The following CHD4 variants were observed in gnomAD, a reference collection of about 807,000 sequenced individuals.
The protein encoded by CHD4 is chromodomain helicase DNA binding protein 4.
A neutral mutation model predicts 235.5 loss-of-function variants in CHD4; 35 were observed. The observed-to-expected ratio is 0.15, with a 90% CI of 0.11 to 0.20. The LOEUF (loss-of-function observed/expected upper bound fraction) is 0.20. Among genes scored for constraint, CHD4 ranks in the 10% least tolerant of loss-of-function variants. CHD4 has a pLI of 1.00. For missense variants in CHD4, 1,329 were observed against 2,432.3 expected, an observed-to-expected ratio of 0.55 and a Z score of 9.54; for synonymous variants, 900 against 850.2, an observed-to-expected ratio of 1.06 and a Z score of -1.02.
At chr12:6,596,298 A>C (rs1262335309) in intron 12 of CHD4, among the ~76,000 whole-genome samples, 161 bp from the exon 13 acceptor site, 1 of 152,176 alleles carries the variant, frequency 6.6e-6, no homozygotes, top group Non-Finnish European at 1.5e-5. Context: ...ACCAAAAATT[A>C]TCTCTAATTT....
In CHD4 at chr12:6,573,080, G is replaced by A; in HGVS notation, c.5551C>T (p.His1851Tyr). ...CAGGGGAGCCACTGGCTACCTTTGT[G>A]CAGGACTGCATTGGCTGGCTTGTTT... ...AGNKPANAVL[H>Y]KVLKQLEELL... Residue 1851 changes from histidine (H) to tyrosine (Y), a missense_variant, in exon 38 of 40, where the codon CAC (histidine) becomes TAC (tyrosine). Transcript: ENST00000544040. The A allele has an allele frequency of 6.2e-7, 1 of 1,605,104 alleles. No individual in the cohort carries two copies. Among genetic ancestry groups the A allele is most frequent in the Non-Finnish European group, 8.5e-7 (1 of 1,176,650 alleles).
chr12:6,570,660 G>A lies in CHD4; in HGVS notation c.*16C>T, dbSNP rs112636750. ...AGGTCACTGCTCAGCGGTGGAGGTG[G>A]TATCAGTCTGCATCTTCACTGCTGC... On this transcript the variant is annotated 3_prime_UTR_variant, in exon 40 of 40. Transcript: ENST00000544040. 26 of 1,614,012 alleles carry A rather than the reference G, an allele frequency of 1.6e-5. No individual in the cohort carries two copies. The East Asian group carries it at 4.9e-4, about 30-fold the overall frequency.
Position 6,606,366 on chromosome 12 carries a change from G to A in CHD4, c.8C>T (p.Ser3Leu). 6.4e-7 allele frequency: 1 copy of A among 1,571,154 alleles called. No individual in the cohort carries two copies. The highest frequency in any genetic ancestry group is 8.6e-7 in the Non-Finnish European group (1 of 1,161,658). Residue 3 changes from serine (S) to leucine (L), a missense_variant, in exon 2 of 40, where the codon TCG becomes TTG. Physicochemically the swap from Ser to Leu is moderately radical, Grantham distance 145. This residue lies in a region of CHD4 where 213 missense variants were observed against 177.5 expected (regional missense o/e 1.20). Transcript: ENST00000544040. MA[S>L]GLGSPSPCSA... ...GCAGGGGGACGGGGAGCCCAGGCCC[G>A]ACGCCATCCCCTTCCGCTCCCGGCC...
intron 25 of CHD4, among the ~76,000 whole-genome samples, chr12:6,585,800 AACAC>A: frequency 7.2e-6 from 1 of 137,990 alleles, no homozygotes; most frequent in Admixed American, 6.9e-5. Flanking sequence ...AAAAAAAAAA[AACAC>A]ACACACAAAG....
chr12:6,605,909 G>A (rs548226143), intron 2 of CHD4, among the ~76,000 whole-genome samples: 1 of 152,222 alleles, frequency 6.6e-6, no homozygotes, highest in African/African-American at 2.4e-5. Context: ...CTTTCAAACA[G>A]AATCCTCAAC....
chr12:6,595,553 T>C, intron 13 of CHD4, 123 bp from the exon 14 acceptor site: 1 of 747,964 alleles, frequency 1.3e-6, no homozygotes, highest in Non-Finnish European at 2.2e-6. Context: ...TTTGGGAGGC[T>C]GAGACGGGCG....
intron 23 of CHD4, 72 bp downstream of exon 23, chr12:6,588,226 C>T (rs1016208332): frequency 2.6e-6 from 4 of 1,546,074 alleles, no homozygotes; most frequent in Non-Finnish European, 3.5e-6. Context: ...GATGGTGGAG[C>T]CCTCATAGAG....
In CHD4 at chr12:6,581,100, A is replaced by G. The variant is rs756243539; in HGVS notation, c.4853T>C (p.Val1618Ala). ...TCTCTCCTTCACCTCTGCCTTTTCC[A>G]CTTTCTCCTCTCCCTCAGGGGGTTC... ...VVEPPEGEEKVEKAEVKERTE... is the reference protein window; with the variant it reads ...VVEPPEGEEKAEKAEVKERTE... The change falls in exon 33 of 40, where the codon GTG becomes GCG. Residue 1618 changes from valine to alanine, a missense_variant. Physicochemically the swap from Val to Ala is moderately conservative, Grantham distance 64. Around this residue, in one of 26 missense-constraint regions of CHD4, gnomAD observed 219 missense variants for 219.3 expected, o/e 1.00. Transcript: ENST00000544040. The G allele has an allele frequency of 1.4e-5, 23 of 1,613,716 alleles. No homozygotes were observed. Among genetic ancestry groups the G allele is most frequent in the Non-Finnish European group, 1.6e-5 (19 of 1,179,984 alleles).
rs1450204649 is a variant in CHD4, at chr12:6,602,014, G to A, written c.384C>T (p.Ser128=). 1.2e-6 allele frequency: 2 copies of A among 1,611,664 alleles called. No homozygotes were observed. Among genetic ancestry groups the A allele is most frequent in the East Asian group, 2.2e-5 (1 of 44,842 alleles). ...CCTCCTCCTCCTTCCGCTTGGATTT[G>A]CTCTTCTTCTCTTTCTTAGGTCCAA... ...KKLGPKKEKK[S]KSKRKEEEEE... Residue 128 remains serine (S), a synonymous_variant, in exon 4 of 40, where the codon AGC becomes AGT. Coordinates refer to ENST00000544040, the MANE Select transcript of CHD4 (RefSeq NM_001273.5).
Position 6,573,148 on chromosome 12 carries a change from A to C in CHD4, c.5483T>G (p.Leu1828Trp). 1 of 1,611,930 alleles carries C rather than the reference A, an allele frequency of 6.2e-7. No homozygotes were observed. The highest frequency in any genetic ancestry group is 8.5e-7 in the Non-Finnish European group (1 of 1,179,128). Residue 1828 changes from leucine to tryptophan, a missense_variant, in exon 38 of 40, where the codon TTG (leucine) becomes TGG (tryptophan). By Grantham distance (61) the Leu-to-Trp change is moderately conservative (BLOSUM62 -2). Transcript: ENST00000544040. ...GGACAGGTGCTGATGACTTTCCGCCAAACACTCCACCTCAGCAAAGCGGGT... is the reference window on the plus strand; with the variant it reads ...GGACAGGTGCTGATGACTTTCCGCCCAACACTCCACCTCAGCAAAGCGGGT... ...LNTRFAEVEC[L>W]AESHQHLSKE...
intron 7 of CHD4, 67 bp from the exon 8 acceptor site, chr12:6,600,736 G>A: frequency 1.3e-6 from 2 of 1,577,174 alleles, no homozygotes; most frequent in Non-Finnish European, 1.7e-6. Flanking sequence ...GGCAGAGAGG[G>A]GAGTACTCTC....
intron 2 of CHD4, among the ~76,000 whole-genome samples, chr12:6,605,825 G>C (rs767687805): frequency 3.9e-5 from 6 of 152,144 alleles, no homozygotes; most frequent in Non-Finnish European, 8.8e-5. Context: ...ATCAGATAGA[G>C]TGTAACCAGC....
chr12:6,601,081 A>T, intron 6 of CHD4, 28 bp from the exon 7 acceptor site: 1 of 1,534,626 alleles, frequency 6.5e-7, no homozygotes, highest in East Asian at 2.3e-5. Flanking sequence ...CCAAATATAT[A>T]CCACAAGACC....
rs528161710 is a variant in CHD4 at position 6,600,336 on chromosome 12, C to T, written c.1123G>A (p.Val375Met). Residue 375 changes from valine (V) to methionine (M), a missense_variant, in exon 9 of 40, where the codon GTG becomes ATG. By Grantham distance (21) the Val-to-Met change is conservative. Around this residue, in one of 26 missense-constraint regions of CHD4, gnomAD observed 13 missense variants for 56.5 expected, o/e 0.23. Transcript: ENST00000544040. ...YETDHQDYCE[V>M]CQQGGEIILC... ...ATGATCTCACCGCCTTGCTGGCACA[C>T]CTCGCAATAGTCCTGGTGGTCTGTC... is the stretch of plus-strand genomic sequence containing the variant. The T allele has an allele frequency of 6.2e-7, 1 of 1,614,154 alleles. No homozygotes were observed. The highest frequency in any genetic ancestry group is 1.3e-5 in the African/African-American group (1 of 75,032).
rs1013221701 is a variant in CHD4 at position 6,581,614 on chromosome 12, A to C, written c.4681+35T>G. ...CAGAAAAATAGGCCAGGACAAAAAG[A>C]GAGGGACAGAAAATGATAGGACAGG... On this transcript the variant is annotated intron_variant, in intron 31 of 39. Coordinates refer to ENST00000544040, the MANE Select transcript of CHD4 (RefSeq NM_001273.5). 1.9e-6 allele frequency: 3 copies of C among 1,613,962 alleles called. No individual in the cohort carries two copies. The African/African-American group carries it at 4.0e-5, about 22-fold the overall frequency.
rs57266458 is a variant in CHD4 at position 6,580,704 on chromosome 12, GAAAAAAAAA to G, written c.4909+331_4909+339del. 295 of 43,462 alleles carry G rather than the reference GAAAAAAAAA, an allele frequency of 6.8e-3. 9 individuals carry two copies. The highest frequency in any genetic ancestry group is 0.031 in the African/African-American group (243 of 7,764). 2.7% of individuals were successfully genotyped at this position (43,462 alleles called of 1,614,324 possible). On this transcript the variant is annotated intron_variant, in intron 33 of 39. Coordinates refer to ENST00000544040, the MANE Select transcript of CHD4 (RefSeq NM_001273.5). ...CCTGGGCAACGAGTAAAACTCCTTT[GAAAAAAAAA>G]AAAAAAAAAAAAAAGCCAGGCACAG...
At position 6,601,038 on chromosome 12, in the gene CHD4, C is replaced by G. The variant is rs747719184; in HGVS notation, c.815G>C (p.Arg272Thr). 1.3e-6 allele frequency: 2 copies of G among 1,579,112 alleles called. No individual in the cohort carries two copies. The highest frequency in any genetic ancestry group is 1.7e-6 in the Non-Finnish European group (2 of 1,166,862). Residue 272 changes from arginine to threonine, a missense_variant, in exon 7 of 40, where the codon AGG (arginine) becomes ACG (threonine). Arg to Thr is a moderately conservative substitution (Grantham distance 71, BLOSUM62 -1). Transcript: ENST00000544040. Reference protein sequence around the residue: ...TKEGKGPNARRKPKGSPRVPD... With the variant: ...TKEGKGPNARTKPKGSPRVPD... Reference sequence around the variant, plus strand: ...TACACGAGGGCTGCCCTTGGGCTTCCTCCGAGCATTGGGACCTAAAATCAG... The same window carrying G: ...TACACGAGGGCTGCCCTTGGGCTTCGTCCGAGCATTGGGACCTAAAATCAG...
chr12:6,570,841 G>C, intron 39 of CHD4, 28 bp downstream of exon 39: 1 of 1,613,810 alleles, frequency 6.2e-7, no homozygotes, highest in Non-Finnish European at 8.5e-7. Context: ...TGCAGGAAGA[G>C]GTGGTGTCAA....
At chr12:6,597,815 T>A (rs1018652798) in intron 12 of CHD4, 79 bp downstream of exon 12, 1 of 1,263,490 alleles carries the variant, frequency 7.9e-7, no homozygotes, top group African/African-American at 1.5e-5. Flanking sequence ...TCTAAGTTAC[T>A]GGTGACAGCC....
Sources: allele counts gnomAD v4.1 joint callset (sites outside exome capture counted in the v4.1 genomes callset), GRCh38; gene constraint gnomAD v4.1.1; regional missense constraint gnomAD v4.1.1; transcripts MANE v1.5; gene names NCBI Gene and HGNC (gene_info 2026-07-23, HGNC 2026-07-21).